NCOA3: variants seen among roughly 807,000 people sequenced by gnomAD.
The protein encoded by NCOA3 is CBP-interacting protein.
A neutral mutation model predicts 158.8 loss-of-function variants in NCOA3; 51 were observed. The observed-to-expected ratio is 0.32, with a 90% CI of 0.26 to 0.41. The LOEUF is 0.41. Ranked by LOEUF, NCOA3 falls within the 10% of genes least tolerant of loss-of-function variation. NCOA3 has a pLI of 1.00. For missense variants in NCOA3, 1,510 were observed against 1,746.6 expected, an observed-to-expected ratio of 0.86 and a Z score of 2.41; for synonymous variants, 537 against 592.4, an observed-to-expected ratio of 0.91 and a Z score of 1.36.
chr20:47,525,170 C>A (rs2084407643), intron 1 of NCOA3, among the ~76,000 whole-genome samples: 2 of 150,824 alleles, frequency 1.3e-5, no homozygotes, highest in Non-Finnish European at 1.5e-5. Context: ...ATCTGTTTAA[C>A]AAAGCACATC....
intron 20 of NCOA3, 27 bp downstream of exon 20, chr20:47,651,303 T>C: frequency 6.3e-7 from 1 of 1,580,614 alleles, no homozygotes; most frequent in Non-Finnish European, 8.6e-7. Flanking sequence ...AAATGTGCCT[T>C]CCCCAAGTTA....
intron 18 of NCOA3, among the ~76,000 whole-genome samples, chr20:47,648,673 C>G (rs1257225084): frequency 6.6e-6 from 1 of 151,988 alleles, no homozygotes; most frequent in Non-Finnish European, 1.5e-5. Context: ...TCATGTTGCC[C>G]AGACTGATCT....
chr20:47,541,763 T>C (rs1010688397), intron 1 of NCOA3, among the ~76,000 whole-genome samples: 1 of 151,800 alleles, frequency 6.6e-6, no homozygotes, highest in African/African-American at 2.4e-5. Flanking sequence ...GATACAACTG[T>C]CTTTCATAAA....
At chr20:47,619,645 TAAAA>T (rs76787208) in intron 2 of NCOA3, among the ~76,000 whole-genome samples, 2 of 121,492 alleles carry the variant, frequency 1.6e-5, no homozygotes, top group African/African-American at 3.0e-5. Flanking sequence ...ACCCTGTCTT[TAAAA>T]AAAAAAAAAA....
intron 4 of NCOA3, 96 bp from the exon 5 acceptor site, chr20:47,625,285 A>C (rs1743564428): frequency 1.3e-6 from 1 of 750,732 alleles, no homozygotes; most frequent in Non-Finnish European, 2.3e-6. Context: ...GGGCATGTGC[A>C]TGTGTATCTT....
intron 1 of NCOA3, among the ~76,000 whole-genome samples, chr20:47,520,305 C>G (rs1432187514): frequency 1.3e-5 from 2 of 152,132 alleles, no homozygotes; most frequent in Non-Finnish European, 2.9e-5. Flanking sequence ...CTCTCTTTCT[C>G]TCTTTGACTC....
intron 8 of NCOA3, among the ~76,000 whole-genome samples, chr20:47,631,662 C>T (rs1469540231): frequency 6.6e-6 from 1 of 152,218 alleles, no homozygotes; most frequent in East Asian, 1.9e-4. Flanking sequence ...GTGATCATCT[C>T]TCAGATGCAA....
In NCOA3 at chr20:47,545,363, G is replaced by A. The variant is rs753318178; in HGVS notation, c.-98-37820G>A. Among the ~76,000 whole-genome samples the A allele has an allele frequency of 1.2e-3, 176 of 151,998 alleles. 2 individuals are homozygous for A. The highest frequency in any genetic ancestry group is 4.0e-4 in the Non-Finnish European group (27 of 67,974). On this transcript the variant is annotated intron_variant, in intron 1 of 22. Coordinates refer to ENST00000371998, the MANE Select transcript of NCOA3 (RefSeq NM_181659.3). Reference sequence around the variant, plus strand: ...AGCTAATTTTTGTATTTTTAGTAGAGATAGGGTTTTGCCATGTTGTCTAGG... The same window carrying A: ...AGCTAATTTTTGTATTTTTAGTAGAAATAGGGTTTTGCCATGTTGTCTAGG...
intron 2 of NCOA3, among the ~76,000 whole-genome samples, chr20:47,600,475 C>T (rs899061966): frequency 2.7e-5 from 4 of 149,482 alleles, no homozygotes; most frequent in East Asian, 2.0e-4. Context: ...CGCGCATGGC[C>T]GCATTTATAA....
Position 47,622,243 on chromosome 20 carries a change from T to A in NCOA3, c.-5T>A. ...TTCTCTCTTAGTTGCTGATGTATAT[T>A]CAAGATGAGTGGATTAGGAGAAAAC... On this transcript the variant is annotated 5_prime_UTR_variant, in exon 3 of 23. Coordinates refer to ENST00000371998, the MANE Select transcript of NCOA3 (RefSeq NM_181659.3). 6.3e-7 allele frequency: 1 copy of A among 1,589,458 alleles called. No individual in the cohort carries two copies. The highest frequency in any genetic ancestry group is 1.1e-5 in the South Asian group (1 of 88,120).
rs970904335 is a variant in NCOA3, at chr20:47,652,516, G to C, written c.4057G>C (p.Ala1353Pro). 1.2e-6 allele frequency: 2 copies of C among 1,614,050 alleles called. No individual in the cohort carries two copies. The highest frequency in any genetic ancestry group is 1.7e-6 in the Non-Finnish European group (2 of 1,179,916). Residue 1353 changes from alanine to proline, a missense_variant, in exon 21 of 23, where the codon GCT (alanine) becomes CCT (proline). This residue lies in a region of NCOA3 where 180 missense variants were observed against 199.3 expected (regional missense o/e 0.90). Coordinates refer to ENST00000371998, the MANE Select transcript of NCOA3 (RefSeq NM_181659.3). Reference sequence around the variant, plus strand: ...GAATCCCATGATGCAACACCCGCAGGCTGCATCCATCTATCAGTCCTCAGA... The same window carrying C: ...GAATCCCATGATGCAACACCCGCAGCCTGCATCCATCTATCAGTCCTCAGA... ...SQNPMMQHPQ[A>P]ASIYQSSEMK...
chr20:47,519,487 A>C (rs1323591925), intron 1 of NCOA3, among the ~76,000 whole-genome samples: 2 of 152,180 alleles, frequency 1.3e-5, no homozygotes, highest in Non-Finnish European at 2.9e-5. Context: ...CCTACATTAG[A>C]TGGTACCTGA....
chr20:47,623,617 G>T (rs758659574), intron 3 of NCOA3, among the ~76,000 whole-genome samples: 16 of 152,006 alleles, frequency 1.1e-4, no homozygotes, highest in Non-Finnish European at 1.9e-4. Flanking sequence ...GTGAAACATC[G>T]TCTCAACTAA....
Position 47,598,030 on chromosome 20 carries a change from G to A in NCOA3, c.-20+14769G>A, listed in dbSNP as rs1355649684. On this transcript the variant is annotated intron_variant, in intron 2 of 22. Coordinates refer to ENST00000371998, the MANE Select transcript of NCOA3 (RefSeq NM_181659.3). Reference sequence around the variant, plus strand: ...GGAGGCCGAGGTGGGCGGATCATGAGGTCAGGAGATTGAGACCATCCTGGC... The same window carrying A: ...GGAGGCCGAGGTGGGCGGATCATGAAGTCAGGAGATTGAGACCATCCTGGC... Among the ~76,000 whole-genome samples the A allele has an allele frequency of 4.0e-5, 6 of 151,474 alleles. No homozygotes were observed. The East Asian group carries it at 1.2e-3, about 31-fold the overall frequency.
intron 17 of NCOA3, among the ~76,000 whole-genome samples, chr20:47,642,991 A>G (rs541745994): frequency 1.1e-4 from 17 of 152,218 alleles, no homozygotes; most frequent in Non-Finnish European, 1.6e-4. Context: ...TCTCACTGCA[A>G]CCTCCACCTC....
Position 47,552,352 on chromosome 20 carries a change from C to A in NCOA3, c.-98-30831C>A, listed in dbSNP as rs141421349. On this transcript the variant is annotated intron_variant, in intron 1 of 22. Transcript: ENST00000371998. ...ATTCCATTTCTGACTTTAAAAAATG[C>A]AGCAGCGTAATTTTACTGTGGTTAT... Among the ~76,000 whole-genome samples the A allele has an allele frequency of 4.0e-3, 614 of 152,256 alleles. 7 individuals carry two copies. The highest frequency in any genetic ancestry group is 0.014 in the African/African-American group (582 of 41,558).
intron 2 of NCOA3, among the ~76,000 whole-genome samples, chr20:47,617,226 G>C (rs1014609885): frequency 2.0e-5 from 3 of 152,194 alleles, no homozygotes; most frequent in African/African-American, 7.2e-5. Context: ...AAAGTGCTGG[G>C]ATTACAGGCG....
intron 1 of NCOA3, among the ~76,000 whole-genome samples, chr20:47,561,548 G>A (rs1399328728): frequency 6.6e-6 from 1 of 150,886 alleles, no homozygotes; most frequent in East Asian, 2.0e-4. Context: ...CCAACTCTAA[G>A]CCTCAAGTGA....
At chr20:47,570,571 C>G (rs563148694) in intron 1 of NCOA3, among the ~76,000 whole-genome samples, 1 of 152,206 alleles carries the variant, frequency 6.6e-6, no homozygotes. Context: ...ACTTCCTCCA[C>G]TGAAATCCTG....
Sources: allele counts gnomAD v4.1 joint callset (sites outside exome capture counted in the v4.1 genomes callset), GRCh38; gene constraint gnomAD v4.1.1; regional missense constraint gnomAD v4.1.1; transcripts MANE v1.5; gene names NCBI Gene and HGNC (gene_info 2026-07-23, HGNC 2026-07-21).